Variants in ACOXL observed in about 807,000 individuals in gnomAD.
ACOXL encodes the protein acyl-CoA oxidase like, also known as acyl-coenzyme A oxidase-like protein.
A neutral mutation model predicts 71.9 loss-of-function variants in ACOXL; 70 were observed. That is an observed-to-expected ratio of 0.97 (90% CI 0.80 to 1.19). The LOEUF (loss-of-function observed/expected upper bound fraction) is 1.19, where lower values mean the gene tolerates loss of function less well. Ranked by LOEUF, ACOXL falls within the 50% of genes most tolerant of loss-of-function variation. The probability of loss-of-function intolerance (pLI) is 0.00; values close to 1 mark genes in which losing one functional copy is unlikely to be tolerated. For missense variants in ACOXL, 703 were observed against 736.3 expected, an observed-to-expected ratio of 0.95 and a Z score of 0.52; for synonymous variants, 253 against 281.6, an observed-to-expected ratio of 0.90 and a Z score of 1.02.
At chr2:110,871,924 G>A (rs1457525718) in intron 10 of ACOXL, among the ~76,000 whole-genome samples, 1 of 152,206 alleles carries the variant, frequency 6.6e-6, no homozygotes, top group Non-Finnish European at 1.5e-5. Flanking sequence ...ACATGACCTG[G>A]TGTTTCAGTA....
intron 16 of ACOXL, among the ~76,000 whole-genome samples, chr2:111,078,325 C>T (rs747867104): frequency 5.3e-5 from 8 of 152,050 alleles, no homozygotes; most frequent in Non-Finnish European, 1.0e-4. Context: ...AGTGCAATGG[C>T]GCGATGTCAG....
intron 5 of ACOXL, among the ~76,000 whole-genome samples, chr2:110,798,179 A>G (rs1685495443): frequency 6.6e-6 from 1 of 150,914 alleles, no homozygotes; most frequent in African/African-American, 2.4e-5. Context: ...TGACCTTCCC[A>G]TTGTCTTCTC....
At chr2:111,010,904 C>T (rs1255208240) in intron 14 of ACOXL, among the ~76,000 whole-genome samples, 1 of 152,124 alleles carries the variant, frequency 6.6e-6, no homozygotes, top group East Asian at 1.9e-4. Flanking sequence ...TAGAATTTGT[C>T]ACCAACAGAC....
rs978706827 is a variant in ACOXL at position 110,959,988 on chromosome 2, T to C, written c.1059+26346T>C. On this transcript the variant is annotated intron_variant, in intron 12 of 17. Coordinates refer to ENST00000439055, the MANE Select transcript of ACOXL (RefSeq NM_001142807.4). ...ATCCAGGGGCTGGAAGGGAGGAGCA[T>C]AAGGCTGCTTGTCTTAAATAAAGGA... is the stretch of plus-strand genomic sequence containing the variant. Among the ~76,000 whole-genome samples the C allele has an allele frequency of 3.9e-5, 6 of 152,136 alleles. No individual in the cohort carries two copies. The East Asian group carries it at 9.7e-4, about 25-fold the overall frequency.
At chr2:111,107,646 G>A (rs972336000) in intron 17 of ACOXL, among the ~76,000 whole-genome samples, 3 of 152,066 alleles carry the variant, frequency 2.0e-5, no homozygotes, top group Non-Finnish European at 2.9e-5. Context: ...GTGCCTCCAC[G>A]CCCAGCTAAT....
intron 1 of ACOXL, 103 bp from the exon 2 acceptor site, chr2:110,768,265 A>T: frequency 1.2e-6 from 1 of 851,068 alleles, no homozygotes; most frequent in Non-Finnish European, 1.9e-6. Context: ...AACAAGCATT[A>T]CAATGGACAC....
At chr2:110,891,544 T>C (rs1269534851) in intron 10 of ACOXL, among the ~76,000 whole-genome samples, 1 of 151,918 alleles carries the variant, frequency 6.6e-6, no homozygotes, top group East Asian at 1.9e-4. Flanking sequence ...CACTGAGCTA[T>C]TGGGGTAAGG....
intron 10 of ACOXL, among the ~76,000 whole-genome samples, chr2:110,872,912 G>T (rs1872062): frequency 0.3 from 45,549 of 152,142 alleles, 7,244 homozygotes; most frequent in Non-Finnish European, 0.35. Context: ...AGAGAAGAGA[G>T]TGACACCTCA....
chr2:110,913,936 A>G (rs565051308), intron 11 of ACOXL, among the ~76,000 whole-genome samples: 172 of 152,268 alleles, frequency 1.1e-3, no homozygotes, highest in Middle Eastern at 0.01. Flanking sequence ...ACCTCCCACC[A>G]TGTCTCACCT....
At chr2:111,048,672 A>G (rs78812731) in intron 15 of ACOXL, among the ~76,000 whole-genome samples, 6,124 of 151,978 alleles carry the variant, frequency 0.04, 153 homozygotes, top group Non-Finnish European at 0.06. Flanking sequence ...TTTTCTCGTA[A>G]ATCTTCTTGG....
rs1281709580 is a variant in ACOXL at position 111,092,966 on chromosome 2, G to C, written c.1542G>C (p.Gln514His). The change falls in exon 17 of 18, where the codon CAG becomes CAC. Residue 514 changes from glutamine to histidine, a missense_variant and splice_region_variant. Coordinates refer to ENST00000439055, the MANE Select transcript of ACOXL (RefSeq NM_001142807.4). ...TPMASTRIRN[Q>H]LLDLCDSVKD... ...TGGCCAGCACGAGGATCAGGAATCA[G>C]GTAAGGTCCCTGGGGTACAGAAAAA... The C allele has an allele frequency of 7.4e-6, 12 of 1,613,370 alleles. No individual in the cohort carries two copies. The Admixed American group carries it at 2.0e-4, about 27-fold the overall frequency.
At chr2:111,099,749 A>T (rs1399607544) in intron 17 of ACOXL, 1 of 152,148 alleles carries the variant, frequency 6.6e-6, no homozygotes, top group Non-Finnish European at 1.5e-5. Context: ...ATTAACCCAG[A>T]CATTTGTATT....
Position 110,927,656 on chromosome 2 carries a change from A to G in ACOXL, c.906-5833A>G, listed in dbSNP as rs183863698. Among the ~76,000 whole-genome samples, 19 of 152,266 alleles carry G rather than the reference A, an allele frequency of 1.2e-4. No individual in the cohort carries two copies. The East Asian group carries it at 3.7e-3, about 29-fold the overall frequency. On this transcript the variant is annotated intron_variant, in intron 11 of 17. Transcript: ENST00000439055. ...CAGCCTGGGCCCATCTTGTCATTGC[A>G]CTGTTACTTTTGGTTTGTGATTGTA...
At chr2:110,940,366 C>A (rs1034864524) in intron 12 of ACOXL, among the ~76,000 whole-genome samples, 1 of 152,190 alleles carries the variant, frequency 6.6e-6, no homozygotes, top group African/African-American at 2.4e-5. Context: ...GAATAGATTT[C>A]TCAGCCCTGC....
intron 16 of ACOXL, among the ~76,000 whole-genome samples, chr2:111,087,747 C>A (rs1476032688): frequency 2.0e-5 from 3 of 152,174 alleles, no homozygotes; most frequent in Admixed American, 6.5e-5. Flanking sequence ...GCAAAGATTT[C>A]ATGACAAAGA....
chr2:111,039,958 T>C (rs2065697638), intron 15 of ACOXL, among the ~76,000 whole-genome samples: 2 of 152,260 alleles, frequency 1.3e-5, no homozygotes, highest in Admixed American at 1.3e-4. Context: ...ACCAGCCTCT[T>C]GGTGCAGTGG....
At position 110,805,294 on chromosome 2, in the gene ACOXL, C is replaced by G; in HGVS notation, c.652C>G (p.His218Asp). 6.2e-7 allele frequency: 1 copy of G among 1,614,228 alleles called. No individual in the cohort carries two copies. Among genetic ancestry groups the G allele is most frequent in the South Asian group, 1.1e-5 (1 of 91,080 alleles). ...FGSVAPDGQYHSPIRNKSARF... is the reference protein window; with the variant it reads ...FGSVAPDGQYDSPIRNKSARF... ...TTCCGTGGCTCCAGATGGACAGTACCATTCGCCTATTAGGAACAAGAGTGC... is the reference window on the plus strand; with the variant it reads ...TTCCGTGGCTCCAGATGGACAGTACGATTCGCCTATTAGGAACAAGAGTGC... The change falls in exon 9 of 18, where the codon CAT (histidine) becomes GAT (aspartate). Residue 218 changes from histidine (H) to aspartate (D), a missense_variant. Transcript: ENST00000439055.
At chr2:110,824,970 T>C (rs977007102) in intron 9 of ACOXL, among the ~76,000 whole-genome samples, 5 of 152,242 alleles carry the variant, frequency 3.3e-5, no homozygotes, top group African/African-American at 4.8e-5. Context: ...TGATGGTTTG[T>C]TATAGCAGGC....
At chr2:110,879,771 T>C (rs1696388835) in intron 10 of ACOXL, among the ~76,000 whole-genome samples, 1 of 152,066 alleles carries the variant, frequency 6.6e-6, no homozygotes, top group Non-Finnish European at 1.5e-5. Context: ...ATATGCATGC[T>C]GAAATGTCTA....
Sources: allele counts gnomAD v4.1 joint callset (sites outside exome capture counted in the v4.1 genomes callset), GRCh38; gene constraint gnomAD v4.1.1; transcripts MANE v1.5; gene names NCBI Gene and HGNC (gene_info 2026-07-23, HGNC 2026-07-21).